SGCG: variants seen among roughly 807,000 people sequenced by gnomAD.
SGCG encodes sarcoglycan gamma.
In SGCG, 26 loss-of-function variants were observed where a neutral mutation model predicts 29.3. That is an observed-to-expected ratio of 0.89 (90% CI 0.65 to 1.23). The LOEUF (loss-of-function observed/expected upper bound fraction) is 1.23. Among genes scored for constraint, SGCG ranks in the 50% most tolerant of loss-of-function variants. The pLI is 0.00. For synonymous variants in SGCG, 145 were observed against 129.7 expected (o/e 1.12, Z -0.80); for missense variants, 353 against 356.0 (o/e 0.99, Z 0.07).
At chr13:23,285,649 T>C (rs746690680) in intron 5 of SGCG, among the ~76,000 whole-genome samples, 1 of 152,250 alleles carries the variant, frequency 6.6e-6, no homozygotes, top group Non-Finnish European at 1.5e-5. Flanking sequence ...CAGGTGCCAC[T>C]GTGGTATGAA....
chr13:23,210,879 G>A (rs1250070930), intron 2 of SGCG, among the ~76,000 whole-genome samples: 1 of 152,098 alleles, frequency 6.6e-6, no homozygotes, highest in Non-Finnish European at 1.5e-5. Flanking sequence ...AACTCAGAAG[G>A]TGGTACGATG....
chr13:23,297,983 G>T (rs2137649050), intron 6 of SGCG, among the ~76,000 whole-genome samples: 1 of 151,974 alleles, frequency 6.6e-6, no homozygotes, highest in Non-Finnish European at 1.5e-5. Context: ...GAGCTCAGGT[G>T]ATCTGCTCAC....
chr13:23,291,782 A>G (rs1458482835), intron 5 of SGCG, among the ~76,000 whole-genome samples: 1 of 152,232 alleles, frequency 6.6e-6, no homozygotes, highest in African/African-American at 2.4e-5. Context: ...AACTCTTTGA[A>G]TAAATTCAGC....
At chr13:23,259,177 C>A (rs550395232) in intron 4 of SGCG, among the ~76,000 whole-genome samples, 2 of 152,186 alleles carry the variant, frequency 1.3e-5, no homozygotes, top group South Asian at 4.2e-4. Flanking sequence ...TGCTCTTGGA[C>A]TTTTTTTGGT....
chr13:23,303,321 A>G (rs1361808097), intron 6 of SGCG, among the ~76,000 whole-genome samples: 2 of 152,242 alleles, frequency 1.3e-5, no homozygotes, highest in South Asian at 2.1e-4. Flanking sequence ...GACTGGATGC[A>G]CCATCTCTGG....
intron 2 of SGCG, among the ~76,000 whole-genome samples, chr13:23,204,736 C>T (rs1231031308): frequency 6.2e-5 from 8 of 129,844 alleles, no homozygotes; most frequent in African/African-American, 2.4e-4. Flanking sequence ...GACGGAGTCT[C>T]ACTCTGTTGC....
At chr13:23,310,658 A>G (rs1245764448) in intron 6 of SGCG, among the ~76,000 whole-genome samples, 1 of 151,716 alleles carries the variant, frequency 6.6e-6, no homozygotes, top group African/African-American at 2.4e-5. Flanking sequence ...TGTTTTATTT[A>G]CCATGCTTTT....
rs77891959 is a variant in SGCG at position 23,279,299 on chromosome 13, A to G, written c.386-60A>G. 1.0e-4 allele frequency: 159 copies of G among 1,554,872 alleles called. No homozygotes were observed. In the East Asian group the frequency reaches 3.6e-3, roughly 35 times the overall value. ...TAGGGTTGACGTGGCATGTGTAAAA[A>G]TAGAGATTTGGACACTGCTTGTAGT... On this transcript the variant is annotated intron_variant, in intron 4 of 7. Transcript: ENST00000218867.
At chr13:23,305,778 G>A (rs539790184) in intron 6 of SGCG, among the ~76,000 whole-genome samples, 2 of 152,246 alleles carry the variant, frequency 1.3e-5, no homozygotes, top group East Asian at 3.9e-4. Flanking sequence ...TATTAATATG[G>A]GGTATTACAT....
intron 4 of SGCG, among the ~76,000 whole-genome samples, chr13:23,279,081 A>G (rs1397970494): frequency 6.6e-6 from 1 of 152,242 alleles, no homozygotes; most frequent in East Asian, 1.9e-4. Flanking sequence ...ATTTTGGGCA[A>G]GTATTTAAAA....
intron 6 of SGCG, among the ~76,000 whole-genome samples, chr13:23,311,260 A>C (rs1429373009): frequency 1.3e-5 from 2 of 152,190 alleles, no homozygotes; most frequent in Non-Finnish European, 2.9e-5. Flanking sequence ...TTTATTGTTA[A>C]TGTTGGCCAT....
chr13:23,163,716 C>T, the SGCG span, among the ~76,000 whole-genome samples: 202 of 152,052 alleles, frequency 1.3e-3, 2 homozygotes, highest in Non-Finnish European at 2.2e-3. Context: ...ATATTTGTTG[C>T]TAAACTCTTT....
chr13:23,281,681 A>T (rs1275896244), intron 5 of SGCG, among the ~76,000 whole-genome samples: 1 of 152,204 alleles, frequency 6.6e-6, no homozygotes, highest in African/African-American at 2.4e-5. Context: ...TCCACCTCAG[A>T]TCATCAGGTA....
chr13:23,298,843 G>A (rs1391717166), intron 6 of SGCG, among the ~76,000 whole-genome samples: 3 of 151,998 alleles, frequency 2.0e-5, no homozygotes, highest in East Asian at 3.9e-4. Context: ...AAAAAGAAAC[G>A]GCACAAGAGT....
intron 7 of SGCG, among the ~76,000 whole-genome samples, chr13:23,321,063 T>C (rs1473645765): frequency 1.3e-5 from 2 of 151,828 alleles, no homozygotes; most frequent in African/African-American, 4.8e-5. Context: ...ACGTTCACAG[T>C]TTACAGAGAA....
Position 23,237,293 on chromosome 13 carries a change from A to T in SGCG, c.297+2581A>T, listed in dbSNP as rs186309347. ...ATTTCCTTTAAACAAAAAGGGTTTT[A>T]AAAAACTACAGAGCCATGATGAAAA... On this transcript the variant is annotated intron_variant, in intron 3 of 7. Transcript: ENST00000218867. Among the ~76,000 whole-genome samples the T allele has an allele frequency of 1.5e-3, 235 of 152,320 alleles. 4 individuals carry two copies. Among genetic ancestry groups the T allele is most frequent in the African/African-American group, 5.4e-3 (223 of 41,564 alleles).
chr13:23,163,503 G>A, the SGCG span, among the ~76,000 whole-genome samples: 3 of 152,090 alleles, frequency 2.0e-5, no homozygotes, highest in Admixed American at 6.5e-5. Context: ...ACCCAGTTCT[G>A]GACCCCTGAG....
intron 3 of SGCG, among the ~76,000 whole-genome samples, chr13:23,248,382 G>A (rs1441220446): frequency 2.0e-5 from 3 of 152,112 alleles, no homozygotes; most frequent in African/African-American, 7.2e-5. Context: ...TCTGAGTGTA[G>A]TATTATCAAG....
chr13:23,173,866 C>T, the SGCG span, among the ~76,000 whole-genome samples: 4 of 152,026 alleles, frequency 2.6e-5, no homozygotes, highest in Non-Finnish European at 5.9e-5. Context: ...GGCACAGATA[C>T]CTTTAAACAG....
Sources: allele counts gnomAD v4.1 joint callset (sites outside exome capture counted in the v4.1 genomes callset), GRCh38; gene constraint gnomAD v4.1.1; transcripts MANE v1.5; gene names NCBI Gene and HGNC (gene_info 2026-07-23, HGNC 2026-07-21).